Variants in MAP1B observed in about 807,000 individuals in gnomAD.
The protein encoded by MAP1B is microtubule associated protein 1B, also known as microtubule-associated protein 1B.
A neutral mutation model predicts 176.1 loss-of-function variants in MAP1B; 12 were observed. That is an observed-to-expected ratio of 0.07 (90% CI 0.04 to 0.11). The LOEUF (loss-of-function observed/expected upper bound fraction) is 0.11, where lower values mean the gene tolerates loss of function less well. MAP1B is among the 10% of genes least tolerant of loss of function. The pLI, the probability that MAP1B is intolerant of heterozygous loss-of-function variation, is 1.00. For synonymous variants in MAP1B, 1,044 were observed against 1,135.0 expected (o/e 0.92, Z 1.61); for missense variants, 2,523 against 2,990.5 (o/e 0.84, Z 3.65).
rs189207782 is a variant in MAP1B, at chr5:72,182,050, C to A, written c.287-1693C>A. On this transcript the variant is annotated intron_variant, in intron 2 of 6. Coordinates refer to ENST00000296755, the MANE Select transcript of MAP1B (RefSeq NM_005909.5). ...TTTTTTTTTTTTTTTTTTTTGGAGA[C>A]ACGGGGTCTCACTTTGTTGCCCAGG... Among the ~76,000 whole-genome samples, 476 of 103,042 alleles carry A rather than the reference C, an allele frequency of 4.6e-3. 10 individuals are homozygous for A. In the East Asian group the frequency reaches 0.093, roughly 20 times the overall value. The allele number at this position is 103,042 out of a possible 152,430, so 67.6% of individuals were successfully genotyped here.
At chr5:72,122,617 C>A (rs1426315411) in intron 2 of MAP1B, among the ~76,000 whole-genome samples, 1 of 151,686 alleles carries the variant, frequency 6.6e-6, no homozygotes, top group African/African-American at 2.4e-5. Context: ...TTTCAGACCA[C>A]CCTAGAAATA....
At chr5:72,185,259 C>T (rs935469689) in intron 3 of MAP1B, among the ~76,000 whole-genome samples, 6 of 152,168 alleles carry the variant, frequency 3.9e-5, no homozygotes, top group African/African-American at 1.2e-4. Context: ...CCTGTCATGA[C>T]TGACTTCTGC....
chr5:72,117,206 G>A (rs1745449957), intron 2 of MAP1B, among the ~76,000 whole-genome samples: 1 of 152,072 alleles, frequency 6.6e-6, no homozygotes, highest in Non-Finnish European at 1.5e-5. Context: ...TGAAGGAAAG[G>A]TACAGTATAA....
chr5:72,118,750 AGTTTT>A (rs1379951386), intron 2 of MAP1B, among the ~76,000 whole-genome samples: 1 of 152,204 alleles, frequency 6.6e-6, no homozygotes, highest in Non-Finnish European at 1.5e-5. Flanking sequence ...GCCCAGCCAC[AGTTTT>A]GTTTTGTTTT....
rs1464494814 is a variant in MAP1B, at chr5:72,199,154, T to C, written c.5799T>C (p.Pro1933=). The change falls in exon 5 of 7, where the codon CCT becomes CCC. Residue 1933 remains proline, a synonymous_variant. Coordinates refer to ENST00000296755, the MANE Select transcript of MAP1B (RefSeq NM_005909.5). This position sits in a 1 kb window ranked among gnomAD's most constrained non-coding sequence, Gnocchi z 4.2. ...YETIGKTTKT[P]EDGDYSYEII... ...CCATTGGGAAAACTACCAAGACCCC[T>C]GAAGATGGTGACTATTCCTATGAAA... 1 of 1,613,994 alleles carries C rather than the reference T, an allele frequency of 6.2e-7. No homozygotes were observed. Among genetic ancestry groups the C allele is most frequent in the African/African-American group, 1.3e-5 (1 of 74,890 alleles).
chr5:72,164,353 C>T (rs1438814314), intron 2 of MAP1B, among the ~76,000 whole-genome samples: 2 of 152,122 alleles, frequency 1.3e-5, no homozygotes, highest in Non-Finnish European at 2.9e-5. Context: ...TAGGCCAGGA[C>T]TGTGACAAGG....
chr5:72,122,981 C>G (rs367798568), intron 2 of MAP1B, among the ~76,000 whole-genome samples: 3 of 152,106 alleles, frequency 2.0e-5, no homozygotes, highest in East Asian at 1.9e-4. Context: ...TATGCAGCAA[C>G]AGCAAACCAT....
chr5:72,200,807 A>G (rs1747318667), intron 5 of MAP1B, among the ~76,000 whole-genome samples: 1 of 152,166 alleles, frequency 6.6e-6, no homozygotes, highest in Non-Finnish European at 1.5e-5. Context: ...ACCAGTCTAG[A>G]CCCAAGATTT....
At chr5:72,165,959 C>A (rs1746420515) in intron 2 of MAP1B, among the ~76,000 whole-genome samples, 1 of 152,108 alleles carries the variant, frequency 6.6e-6, no homozygotes, top group Admixed American at 6.5e-5. Flanking sequence ...GCTCTGAGAT[C>A]CCATCATGTT....
chr5:72,132,548 G>T (rs1745753911), intron 2 of MAP1B, among the ~76,000 whole-genome samples: 1 of 152,136 alleles, frequency 6.6e-6, no homozygotes, highest in African/African-American at 2.4e-5. Flanking sequence ...TATTCTGCAG[G>T]ATTTGTTCTG....
intron 2 of MAP1B, among the ~76,000 whole-genome samples, chr5:72,124,078 A>G (rs1745580814): frequency 6.6e-6 from 1 of 152,196 alleles, no homozygotes. Flanking sequence ...GGGTTTAGTC[A>G]CAATGACAAA....
Position 72,157,018 on chromosome 5 carries a change from G to A in MAP1B, c.287-26725G>A, listed in dbSNP as rs1294579101. Among the ~76,000 whole-genome samples the A allele has an allele frequency of 2.0e-5, 3 of 152,296 alleles. No individual in the cohort carries two copies. The South Asian group carries it at 6.2e-4, about 32-fold the overall frequency. On this transcript the variant is annotated intron_variant, in intron 2 of 6. Transcript: ENST00000296755. The stretch of plus-strand genomic sequence containing the variant: ...CCTTCCCAGTTCCTAATCCTTGTAG[G>A]TTTATTTGTAGAAGGCAATAAATTA...
chr5:72,162,248 A>T (rs1291649806), intron 2 of MAP1B, among the ~76,000 whole-genome samples: 4 of 152,188 alleles, frequency 2.6e-5, no homozygotes. Flanking sequence ...AAAGGAAAGA[A>T]CCAAAATAAT....
rs536166919 is a variant in MAP1B at position 72,182,132 on chromosome 5, GGGA to G, written c.287-1610_287-1608del. ...TCCTGCCTCAGCCTCCCAAAGTGCT[GGGA>G]TTATAGGCATAAGCTACTGCATCCG... is the stretch of plus-strand genomic sequence containing the variant. On this transcript the variant is annotated intron_variant, in intron 2 of 6. Transcript: ENST00000296755. Among the ~76,000 whole-genome samples the G allele has an allele frequency of 1.9e-4, 28 of 150,630 alleles. No homozygotes were observed. The East Asian group carries it at 3.7e-3, about 20-fold the overall frequency.
At chr5:72,171,037 C>T (rs1190891632) in intron 2 of MAP1B, among the ~76,000 whole-genome samples, 4 of 152,158 alleles carry the variant, frequency 2.6e-5, no homozygotes, top group Non-Finnish European at 4.4e-5. Flanking sequence ...CTTATCAAGC[C>T]TTCAAAAGTG....
intron 2 of MAP1B, among the ~76,000 whole-genome samples, chr5:72,161,973 A>AAG (rs1554053443): frequency 1.4e-5 from 2 of 146,948 alleles, no homozygotes; most frequent in African/African-American, 2.6e-5. Flanking sequence ...AAAAAAAAAA[A>AAG]AAAGAAAGAA....
intron 2 of MAP1B, among the ~76,000 whole-genome samples, chr5:72,149,634 C>T (rs1346989321): frequency 6.6e-6 from 1 of 152,206 alleles, no homozygotes; most frequent in Non-Finnish European, 1.5e-5. Context: ...TCTGTTTGCT[C>T]AGTGGGGATA....
chr5:72,114,220 T>C (rs544427353), intron 1 of MAP1B, among the ~76,000 whole-genome samples: 129 of 152,328 alleles, frequency 8.5e-4, no homozygotes, highest in African/African-American at 3.0e-3. Flanking sequence ...CAGAATCTTT[T>C]TTTTTTGTAA....
Position 72,204,985 on chromosome 5 carries a change from C to T in MAP1B, c.7252-99C>T. The T allele has an allele frequency of 3.8e-6, 3 of 791,786 alleles. No homozygotes were observed. Among genetic ancestry groups the T allele is most frequent in the Middle Eastern group, 2.9e-4 (1 of 3,504 alleles). 49.0% of individuals were successfully genotyped at this position (791,786 alleles called of 1,614,324 possible). The stretch of plus-strand genomic sequence containing the variant: ...AAATAGAAAAGTTTTCTCTCATTTC[C>T]CTTCTTCTTCCAGTGGTCTAATACC... On this transcript the variant is annotated intron_variant, in intron 6 of 6. Transcript: ENST00000296755. The surrounding 1 kb of genome is among the most constrained non-coding windows in gnomAD (Gnocchi z 4.4).
Sources: allele counts gnomAD v4.1 joint callset (sites outside exome capture counted in the v4.1 genomes callset), GRCh38; gene constraint gnomAD v4.1.1; non-coding constraint Gnocchi (gnomAD v3.1); transcripts MANE v1.5; gene names NCBI Gene and HGNC (gene_info 2026-07-23, HGNC 2026-07-21).